PARP6: variants seen among roughly 807,000 people sequenced by gnomAD.
PARP6 encodes protein mono-ADP-ribosyltransferase PARP6.
In PARP6, 27 loss-of-function variants were observed where a neutral mutation model predicts 92.0. The observed-to-expected ratio is 0.29, with a 90% CI of 0.22 to 0.40. The LOEUF (loss-of-function observed/expected upper bound fraction) is 0.40. Ranked by LOEUF, PARP6 falls within the 10% of genes least tolerant of loss-of-function variation. The pLI is 1.00. For synonymous variants in PARP6, 272 were observed against 281.2 expected, an observed-to-expected ratio of 0.97 and a Z score of 0.33; for missense variants, 501 against 784.5, an observed-to-expected ratio of 0.64 and a Z score of 4.32.
rs75194249 is a variant in PARP6 at position 72,242,256 on chromosome 15, G to A, written c.1642-36C>T. On this transcript the variant is annotated intron_variant, in intron 21 of 23. Transcript: ENST00000569795. The surrounding 1 kb of genome is among the most constrained non-coding windows in gnomAD (Gnocchi z 4.3). ...AGGAGGCAAAGGAGACCAGAGCCAG[G>A]TAGATGGGTACAGCTTTCCCTAGAG... The A allele has an allele frequency of 7.9e-4, 1,217 of 1,540,116 alleles. 23 individuals are homozygous for A. In the East Asian group the frequency reaches 0.024, roughly 31 times the overall value.
intron 2 of PARP6, among the ~76,000 whole-genome samples, chr15:72,269,418 C>T (rs111285953): frequency 0.037 from 5,636 of 151,990 alleles, 184 homozygotes; most frequent in East Asian, 0.16. Context: ...GCCTCGGCCT[C>T]CCAAAGTGTT....
chr15:72,260,826 G>A (rs1478761679), intron 9 of PARP6, 138 bp from the exon 10 acceptor site: 9 of 698,780 alleles, frequency 1.3e-5, no homozygotes, highest in Non-Finnish European at 2.0e-5. Flanking sequence ...AAGTTGCATT[G>A]TATCTTAAAC....
At chr15:72,266,676 C>T (rs1005624982) in intron 4 of PARP6, 69 bp downstream of exon 4, 2 of 1,124,528 alleles carry the variant, frequency 1.8e-6, no homozygotes, top group African/African-American at 3.1e-5. Context: ...TCTTTCACTC[C>T]TGATGTATCC....
At chr15:72,262,895 C>T (rs543104750) in intron 8 of PARP6, among the ~76,000 whole-genome samples, 1 of 152,318 alleles carries the variant, frequency 6.6e-6, no homozygotes, top group African/African-American at 2.4e-5. Context: ...TTGATCCTAT[C>T]TTCTTTTCCC....
chr15:72,254,427 G>A lies in PARP6; in HGVS notation c.1191+28C>T, dbSNP rs4777496. Reference sequence around the variant, plus strand: ...GGACACTTGAACTGGGCAGGCAAAGGAGAGGGGACAGAGAGAAGGCAGAAT... The same window carrying A: ...GGACACTTGAACTGGGCAGGCAAAGAAGAGGGGACAGAGAGAAGGCAGAAT... On this transcript the variant is annotated intron_variant, in intron 15 of 23. Transcript: ENST00000569795. The A allele has an allele frequency of 3.7e-3, 5,667 of 1,544,392 alleles. 196 individuals are homozygous for A. The Admixed American group carries it at 0.068, about 19-fold the overall frequency.
intron 2 of PARP6, among the ~76,000 whole-genome samples, chr15:72,269,630 A>C (rs967227508): frequency 2.0e-5 from 3 of 152,026 alleles, no homozygotes; most frequent in African/African-American, 7.2e-5. Context: ...CCAGGCACTG[A>C]GGCTCATGCC....
chr15:72,247,291 A>G (rs1038303151), intron 20 of PARP6, among the ~76,000 whole-genome samples: 6 of 152,060 alleles, frequency 3.9e-5, no homozygotes, highest in African/African-American at 1.4e-4. Context: ...TTCCTGCCTC[A>G]GCCTCCTGAC....
At chr15:72,272,151 C>G (rs62022789) in intron 1 of PARP6, 1 of 152,110 alleles carries the variant, frequency 6.6e-6, no homozygotes, top group South Asian at 2.1e-4. Context: ...GGAGAGAGGA[C>G]ACGGCTGCCC....
At chr15:72,261,185 G>A (rs1161210551) in intron 9 of PARP6, among the ~76,000 whole-genome samples, 1 of 152,136 alleles carries the variant, frequency 6.6e-6, no homozygotes, top group African/African-American at 2.4e-5. Context: ...ATGTAGACCT[G>A]GGGTCAAAGA....
At chr15:72,246,336 G>C (rs1323791647) in intron 20 of PARP6, among the ~76,000 whole-genome samples, 1 of 152,154 alleles carries the variant, frequency 6.6e-6, no homozygotes, top group Non-Finnish European at 1.5e-5. Context: ...TTTTAGTAGA[G>C]ACAGGGTTTC....
chr15:72,250,831 C>A lies in PARP6; in HGVS notation c.1418+14G>T. The A allele has an allele frequency of 6.6e-7, 1 of 1,524,362 alleles. No individual in the cohort carries two copies. Among genetic ancestry groups the A allele is most frequent in the Non-Finnish European group, 9.0e-7 (1 of 1,105,602 alleles). 94.4% of individuals were successfully genotyped at this position (1,524,362 alleles called of 1,614,324 possible). On this transcript the variant is annotated intron_variant, in intron 18 of 23. Coordinates refer to ENST00000569795, the MANE Select transcript of PARP6 (RefSeq NM_001323532.2). ...CCCTCACCACCCCCACTGCCCAGCC[C>A]CCAGCCTCCTCACTGGAAGGCAAAG...
intron 20 of PARP6, chr15:72,243,607 T>C (rs920507904): frequency 8.5e-5 from 13 of 152,244 alleles, no homozygotes; most frequent in African/African-American, 3.1e-4. Flanking sequence ...TAGACTCAAC[T>C]TGGACTTTTC....
At chr15:72,247,545 G>A (rs2083773023) in intron 20 of PARP6, among the ~76,000 whole-genome samples, 1 of 151,980 alleles carries the variant, frequency 6.6e-6, no homozygotes, top group African/African-American at 2.4e-5. Flanking sequence ...CTATTCTCTG[G>A]AAGACTTTAG....
At chr15:72,264,479 G>A in intron 8 of PARP6, 76 bp downstream of exon 8, 1 of 1,098,768 alleles carries the variant, frequency 9.1e-7, no homozygotes, top group Non-Finnish European at 1.4e-6. Context: ...CCAAGGCTCT[G>A]CCTGTCCATC....
At chr15:72,247,209 C>T (rs1232728949) in intron 20 of PARP6, among the ~76,000 whole-genome samples, 1 of 152,114 alleles carries the variant, frequency 6.6e-6, no homozygotes, top group African/African-American at 2.4e-5. Flanking sequence ...GGGTCTCGCT[C>T]TACTGCCCAA....
chr15:72,258,364 TACTTC>T (rs2085405893), intron 11 of PARP6, among the ~76,000 whole-genome samples: 2 of 152,242 alleles, frequency 1.3e-5, no homozygotes, highest in Admixed American at 6.5e-5. Flanking sequence ...GTTAACACTG[TACTTC>T]TAATACTTAA....
In PARP6 at chr15:72,251,258, G is replaced by C; in HGVS notation, c.1260-3C>G. The C allele has an allele frequency of 6.4e-7, 1 of 1,572,926 alleles. No individual in the cohort carries two copies. Among genetic ancestry groups the C allele is most frequent in the Non-Finnish European group, 8.7e-7 (1 of 1,147,142 alleles). ...GTGACCTGTTGCTAGAGATGATCCT[G>C]GGAAGAAACAGAAAAAAATAAAAAG... is the stretch of plus-strand genomic sequence containing the variant. On this transcript the variant is annotated splice_polypyrimidine_tract_variant and splice_region_variant and intron_variant, in intron 16 of 23. Transcript: ENST00000569795.
intron 9 of PARP6, 146 bp downstream of exon 9, chr15:72,261,412 G>A: frequency 2.8e-6 from 2 of 710,180 alleles, no homozygotes. Context: ...AGGACACATA[G>A]GGAACAGGAC....
chr15:72,256,550 T>C lies in PARP6; in HGVS notation c.1040A>G (p.Glu347Gly). Residue 347 changes from glutamate to glycine, a missense_variant, in exon 14 of 24, where the codon GAG (glutamate) becomes GGG (glycine). Transcript: ENST00000569795. ...LLVAMCRAALESPRKSIIFEP... is the reference protein window; with the variant it reads ...LLVAMCRAALGSPRKSIIFEP... ...AAAGATGATGCTCTTTCTAGGGGAC[T>C]CTAAAGCTGCCCTACACATGGCCAC... The C allele has an allele frequency of 6.3e-7, 1 of 1,589,534 alleles. No homozygotes were observed.
Sources: allele counts gnomAD v4.1 joint callset (sites outside exome capture counted in the v4.1 genomes callset), GRCh38; gene constraint gnomAD v4.1.1; non-coding constraint Gnocchi (gnomAD v3.1); transcripts MANE v1.5; gene names NCBI Gene and HGNC (gene_info 2026-07-23, HGNC 2026-07-21).